Variants in PHEX observed in about 807,000 individuals in gnomAD.
The protein encoded by PHEX is phosphate-regulating neutral endopeptidase PHEX.
A neutral mutation model predicts 68.0 loss-of-function variants in PHEX; 16 were observed. That is an observed-to-expected ratio of 0.24 (90% CI 0.16 to 0.36). The LOEUF (loss-of-function observed/expected upper bound fraction) is 0.36. PHEX is among the 10% of genes least tolerant of loss of function. The pLI is 1.00. For missense variants in PHEX, 480 were observed against 575.5 expected, an observed-to-expected ratio of 0.83 and a Z score of 1.70; for synonymous variants, 208 against 205.1, an observed-to-expected ratio of 1.01 and a Z score of -0.12.
At chrX:22,198,090 AT>A (rs776581758) in intron 15 of PHEX, among the ~76,000 whole-genome samples, 24 of 100,217 alleles carry the variant, frequency 2.4e-4, no homozygotes, top group African/African-American at 9.0e-4. Flanking sequence ...TAATATTAAT[AT>A]ACATTTATAG....
intron 15 of PHEX, among the ~76,000 whole-genome samples, chrX:22,206,541 G>A (rs1934716915): frequency 9.0e-6 from 1 of 111,537 alleles, no homozygotes; most frequent in Non-Finnish European, 1.9e-5. Flanking sequence ...ATGGTGGTAA[G>A]TGTTACGATG....
At chrX:22,183,778 G>T (rs1017082656) in intron 14 of PHEX, among the ~76,000 whole-genome samples, 1 of 110,834 alleles carries the variant, frequency 9.0e-6, no homozygotes, top group African/African-American at 3.3e-5. Flanking sequence ...AATTTTCAGG[G>T]TCTTCTCAGG....
intron 3 of PHEX, among the ~76,000 whole-genome samples, chrX:22,067,400 T>C (rs1016230376): frequency 9.0e-6 from 1 of 111,687 alleles, no homozygotes; most frequent in Non-Finnish European, 1.9e-5. Flanking sequence ...GGGAACTTTT[T>C]AAAGCTGAGG....
chrX:22,230,564 T>G (rs1412428230), intron 20 of PHEX, among the ~76,000 whole-genome samples: 2 of 109,881 alleles, frequency 1.8e-5, no homozygotes, highest in East Asian at 5.7e-4. Context: ...TGACTCATGA[T>G]TTGGCTCTCT....
At position 22,240,815 on chromosome X, in the gene PHEX, A is replaced by G. The variant is rs187191429; in HGVS notation, c.2071-4518A>G. ...GATTCCCAAACAGTAACAGTGGGAG[A>G]CTTTAACACCCCACTGTCAACACTA... On this transcript the variant is annotated intron_variant, in intron 20 of 21. Transcript: ENST00000379374. Among the ~76,000 whole-genome samples the G allele has an allele frequency of 8.6e-3, 961 of 111,461 alleles. 9 individuals are homozygous for G. The highest frequency in any genetic ancestry group is 0.018 in the Middle Eastern group (4 of 217).
intron 11 of PHEX, among the ~76,000 whole-genome samples, chrX:22,121,244 G>T (rs1931473441): frequency 1.8e-5 from 2 of 112,302 alleles, no homozygotes; most frequent in African/African-American, 6.5e-5. Flanking sequence ...ATACAGCAAA[G>T]ATAGCTGGAG....
chrX:22,140,499 C>T (rs1176685116), intron 12 of PHEX, among the ~76,000 whole-genome samples: 5 of 110,433 alleles, frequency 4.5e-5, no homozygotes, highest in African/African-American at 1.3e-4. Flanking sequence ...TTATTTTTTT[C>T]GAGACAGAGT....
At chrX:22,241,720 C>G (rs932327372) in intron 20 of PHEX, among the ~76,000 whole-genome samples, 7 of 111,783 alleles carry the variant, frequency 6.3e-5, no homozygotes, top group African/African-American at 2.3e-4. Context: ...AAGACTAAAC[C>G]AGGCAGAAGT....
chrX:22,240,680 T>C (rs1179806185), intron 20 of PHEX, among the ~76,000 whole-genome samples: 2 of 110,972 alleles, frequency 1.8e-5, no homozygotes, highest in Non-Finnish European at 3.8e-5. Flanking sequence ...TACATAATGG[T>C]AAAGGGGTCA....
intron 18 of PHEX, among the ~76,000 whole-genome samples, chrX:22,226,007 G>A (rs1381368568): frequency 8.9e-6 from 1 of 111,850 alleles, no homozygotes; most frequent in Non-Finnish European, 1.9e-5. Context: ...ATGATAGTTG[G>A]TCTTGAAATC....
rs190589636 is a variant in PHEX, at chrX:22,227,716, T to A, written c.2070+105T>A. On this transcript the variant is annotated intron_variant, in intron 20 of 21. Coordinates refer to ENST00000379374, the MANE Select transcript of PHEX (RefSeq NM_000444.6). ...CAAAAGTTTAATGGCATGACTTTGA[T>A]TTTCAGCAAAAATGTTATCTTGATT... 3.1e-4 allele frequency: 168 copies of A among 546,497 alleles called. No individual in the cohort carries two copies. The African/African-American group carries it at 3.4e-3, about 11-fold the overall frequency. 45.0% of individuals were successfully genotyped at this position (546,497 alleles called of 1,213,427 possible).
At chrX:22,098,874 T>A (rs1255010755) in intron 8 of PHEX, 132 bp from the exon 9 acceptor site, 1 of 547,564 alleles carries the variant, frequency 1.8e-6, no homozygotes, top group Non-Finnish European at 3.2e-6. Flanking sequence ...TTTCTAGACT[T>A]GAGTAGTTGC....
At chrX:22,060,724 C>G (rs1035729416) in intron 3 of PHEX, among the ~76,000 whole-genome samples, 5 of 111,365 alleles carry the variant, frequency 4.5e-5, no homozygotes, top group African/African-American at 1.6e-4. Flanking sequence ...AGATTGTGGG[C>G]TAAATTTAGG....
intron 20 of PHEX, among the ~76,000 whole-genome samples, chrX:22,233,521 C>T (rs5904519): frequency 0.51 from 56,501 of 109,833 alleles, 12,536 homozygotes; most frequent in African/African-American, 0.85. Flanking sequence ...TTCACTCCTT[C>T]TTCTCTAATC....
At chrX:22,226,099 AGTAACCTGT>A (rs1417483137) in intron 18 of PHEX, among the ~76,000 whole-genome samples, 2 of 112,294 alleles carry the variant, frequency 1.8e-5, no homozygotes, top group African/African-American at 6.5e-5. Context: ...AATCAGAGAA[AGTAACCTGT>A]GTATTGACAT....
At chrX:22,096,875 G>A in intron 7 of PHEX, 80 bp from the exon 8 acceptor site, 3 of 752,566 alleles carry the variant, frequency 4.0e-6, no homozygotes, top group Non-Finnish European at 4.2e-6. Flanking sequence ...CTATGCAGAT[G>A]TTTTGGCACA....
chrX:22,119,888 C>T (rs919225130), intron 11 of PHEX, among the ~76,000 whole-genome samples: 3 of 110,936 alleles, frequency 2.7e-5, no homozygotes, highest in Non-Finnish European at 5.7e-5. Context: ...TGAGCCACCA[C>T]GCCTGGCCTT....
At chrX:22,216,265 C>A (rs1274289408) in intron 16 of PHEX, among the ~76,000 whole-genome samples, 1 of 111,514 alleles carries the variant, frequency 9.0e-6, no homozygotes, top group Non-Finnish European at 1.9e-5. Context: ...AGTGTGAGAT[C>A]ATGATTAAGC....
chrX:22,105,615 G>A (rs192985218), intron 9 of PHEX, among the ~76,000 whole-genome samples: 10 of 111,736 alleles, frequency 8.9e-5, no homozygotes, highest in Admixed American at 3.8e-4. Flanking sequence ...TGACCAAGAC[G>A]AGCAAATGCA....
Sources: gnomAD v4.1 joint callset for allele counts (sites outside exome capture counted in the v4.1 genomes callset) on GRCh38, gnomAD v4.1.1 for gene constraint, MANE v1.5 for transcripts, NCBI Gene and HGNC (gene_info 2026-07-23, HGNC 2026-07-21) for gene names.